Variants in LYZL1 observed in about 807,000 individuals in gnomAD.
LYZL1 encodes the protein lysozyme-like protein 1.
Under a neutral mutation model 17.9 loss-of-function variants are expected in LYZL1, and 16 were observed. The ratio of observed to expected loss-of-function variants is 0.90; its 90% CI spans 0.61 to 1.36. The LOEUF (loss-of-function observed/expected upper bound fraction) is 1.36, where lower values mean the gene tolerates loss of function less well. LYZL1 is among the 40% of genes most tolerant of loss of function. The pLI is 0.00. For missense variants in LYZL1, 149 were observed against 188.4 expected, an observed-to-expected ratio of 0.79 and a Z score of 1.22; for synonymous variants, 58 against 71.8, an observed-to-expected ratio of 0.81 and a Z score of 0.97.
intron 3 of LYZL1, among the ~76,000 whole-genome samples, chr10:29,293,824 A>G (rs1835410522): frequency 6.6e-6 from 1 of 152,000 alleles, no homozygotes; most frequent in African/African-American, 2.4e-5. Flanking sequence ...TAATACAAAA[A>G]TTAGCTGGGC....
intron 1 of LYZL1, among the ~76,000 whole-genome samples, chr10:29,290,176 G>A (rs1302749703): frequency 6.6e-6 from 1 of 152,164 alleles, no homozygotes; most frequent in Non-Finnish European, 1.5e-5. Context: ...CTAGGCAAGT[G>A]CAGAAAATGA....
chr10:29,298,457 A>G (rs1835474022), intron 3 of LYZL1, among the ~76,000 whole-genome samples: 1 of 152,152 alleles, frequency 6.6e-6, no homozygotes, highest in Non-Finnish European at 1.5e-5. Flanking sequence ...GTCAGAGGAC[A>G]TGGGAGACCA....
At chr10:29,315,522 AAAATAAAT>A (rs953300940), downstream of LYZL1, among the ~76,000 whole-genome samples, 7 of 151,862 alleles carry the variant, frequency 4.6e-5, no homozygotes, top group East Asian at 3.9e-4. Context: ...AAAATAAATA[AAAATAAAT>A]AAATAAATAA....
chr10:29,289,417 CTTTTTTTT>C (rs11347424), intron 1 of LYZL1, among the ~76,000 whole-genome samples, 187 bp downstream of exon 1: 5 of 128,732 alleles, frequency 3.9e-5, no homozygotes, highest in African/African-American at 1.5e-4. Context: ...TTTTTCTTTT[CTTTTTTTT>C]TTTTTTTTTT....
At chr10:29,312,149 G>A (rs958906868), downstream of LYZL1, among the ~76,000 whole-genome samples, 1 of 151,994 alleles carries the variant, frequency 6.6e-6, no homozygotes, top group African/African-American at 2.4e-5. Context: ...CATTTTTTTT[G>A]TTTTGTTTTA....
At chr10:29,291,451 C>G (rs1835363806) in intron 1 of LYZL1, among the ~76,000 whole-genome samples, 1 of 151,288 alleles carries the variant, frequency 6.6e-6, no homozygotes, top group African/African-American at 2.4e-5. Flanking sequence ...AATGGACCCA[C>G]GCAGTTCAAA....
chr10:29,293,272 C>T (rs1835402130), intron 3 of LYZL1, among the ~76,000 whole-genome samples: 1 of 151,714 alleles, frequency 6.6e-6, no homozygotes, highest in Admixed American at 6.6e-5. Context: ...ACTATAGGCA[C>T]ACGCCCGGCT....
At chr10:29,306,664 G>T (rs375398682) in intron 3 of LYZL1, among the ~76,000 whole-genome samples, 3 of 151,404 alleles carry the variant, frequency 2.0e-5, no homozygotes, top group African/African-American at 7.3e-5. Flanking sequence ...CTTTAGTGAG[G>T]TATAATTGAC....
chr10:29,309,827 T>G (rs1371136396), intron 3 of LYZL1, among the ~76,000 whole-genome samples: 1 of 152,198 alleles, frequency 6.6e-6, no homozygotes, highest in Non-Finnish European at 1.5e-5. Flanking sequence ...TAAAAAACAT[T>G]CTTGCATGGC....
At chr10:29,313,575 G>A (rs944446847), downstream of LYZL1, among the ~76,000 whole-genome samples, 19 of 152,076 alleles carry the variant, frequency 1.2e-4, no homozygotes, top group African/African-American at 4.6e-4. Context: ...AAACTCACAA[G>A]ATTTCTAAGC....
At chr10:29,300,406 C>G (rs945816731) in intron 3 of LYZL1, among the ~76,000 whole-genome samples, 1 of 152,128 alleles carries the variant, frequency 6.6e-6, no homozygotes, top group Non-Finnish European at 1.5e-5. Flanking sequence ...AGTTTCTTAA[C>G]AGTATTCTTT....
intron 3 of LYZL1, among the ~76,000 whole-genome samples, chr10:29,298,005 G>A (rs1835468991): frequency 6.6e-6 from 1 of 152,190 alleles, no homozygotes; most frequent in Non-Finnish European, 1.5e-5. Context: ...TACATTTTGA[G>A]CATAGAATGA....
Position 29,292,109 on chromosome 10 carries a change from C to G in LYZL1, c.139+103C>G. The G allele has an allele frequency of 2.0e-6, 3 of 1,482,178 alleles. 1 individual carries two copies. The Middle Eastern group carries it at 6.7e-4, about 331-fold the overall frequency. The allele number at this position is 1,482,178 out of a possible 1,614,324, so 91.8% of individuals were successfully genotyped here. A position where few individuals can be genotyped will look rare whatever the true frequency, so the allele number is the denominator to read the frequency against. On this transcript the variant is annotated intron_variant, in intron 2 of 4. Coordinates refer to ENST00000649382, the MANE Select transcript of LYZL1 (RefSeq NM_032517.6). ...TGCTGTGTCTTCCCAACTACCCCTGCTCTGCCCTCACCGCACTCAGGGGTG... is the reference window on the plus strand; with the variant it reads ...TGCTGTGTCTTCCCAACTACCCCTGGTCTGCCCTCACCGCACTCAGGGGTG...
At chr10:29,298,608 T>A (rs1335403310) in intron 3 of LYZL1, among the ~76,000 whole-genome samples, 1 of 152,052 alleles carries the variant, frequency 6.6e-6, no homozygotes, top group African/African-American at 2.4e-5. Flanking sequence ...GAAAACATGC[T>A]TCACAAAAAG....
intron 3 of LYZL1, among the ~76,000 whole-genome samples, chr10:29,293,856 C>A (rs568106480): frequency 2.6e-5 from 4 of 151,892 alleles, no homozygotes; most frequent in Non-Finnish European, 5.9e-5. Context: ...TGCCTGTAAT[C>A]CCAGCTACTC....
intron 3 of LYZL1, among the ~76,000 whole-genome samples, chr10:29,306,794 GTA>G (rs1205486006): frequency 3.2e-4 from 29 of 91,132 alleles, no homozygotes; most frequent in Middle Eastern, 5.0e-3. Context: ...TACCGCTTAT[GTA>G]TGTGTGTGTG....
At chr10:29,289,324 C>T in intron 1 of LYZL1, 94 bp downstream of exon 1, 1 of 1,025,510 alleles carries the variant, frequency 9.8e-7, no homozygotes, top group Non-Finnish European at 1.3e-6. Context: ...TGCGGGTTTT[C>T]TTTGGACTTG....
intron 3 of LYZL1, among the ~76,000 whole-genome samples, chr10:29,303,803 A>G (rs908700439): frequency 1.3e-5 from 2 of 152,248 alleles, no homozygotes; most frequent in African/African-American, 4.8e-5. Context: ...ATTCTGTCCC[A>G]CATATTACAG....
chr10:29,297,117 T>C (rs1219722665), intron 3 of LYZL1, among the ~76,000 whole-genome samples: 1 of 145,224 alleles, frequency 6.9e-6, no homozygotes, highest in East Asian at 2.0e-4. Context: ...AAAGGAAACA[T>C]TCAGATAACC....
Sources: allele counts gnomAD v4.1 joint callset (sites outside exome capture counted in the v4.1 genomes callset), GRCh38; gene constraint gnomAD v4.1.1; transcripts MANE v1.5; gene names NCBI Gene and HGNC (gene_info 2026-07-23, HGNC 2026-07-21).